The following CSMD3 variants were observed in gnomAD, a reference collection of about 807,000 sequenced individuals.
CSMD3 encodes CUB and sushi domain-containing protein 3.
In CSMD3, 177 loss-of-function variants were observed where a neutral mutation model predicts 435.2. The ratio of observed to expected loss-of-function variants is 0.41; its 90% CI spans 0.36 to 0.46. The LOEUF is 0.46. Among genes scored for constraint, CSMD3 ranks in the 20% least tolerant of loss-of-function variants. CSMD3 has a pLI of 0.34. For synonymous variants in CSMD3, 1,656 were observed against 1,520.5 expected, an observed-to-expected ratio of 1.09 and a Z score of -2.07; for missense variants, 4,265 against 4,504.6, an observed-to-expected ratio of 0.95 and a Z score of 1.52.
At chr8:113,096,449 C>T (rs1371127255) in intron 5 of CSMD3, among the ~76,000 whole-genome samples, 1 of 152,096 alleles carries the variant, frequency 6.6e-6, no homozygotes, top group East Asian at 1.9e-4. Context: ...ACCTCCACTG[C>T]TATTTTCTTA....
intron 13 of CSMD3, among the ~76,000 whole-genome samples, chr8:112,782,974 T>C (rs1464333316): frequency 4.6e-5 from 7 of 152,020 alleles, no homozygotes; most frequent in Admixed American, 3.9e-4. Context: ...GAAAAAAATG[T>C]TAATAAGTGA....
intron 11 of CSMD3, among the ~76,000 whole-genome samples, chr8:112,844,233 T>A (rs1288677147): frequency 3.3e-5 from 5 of 151,794 alleles, no homozygotes; most frequent in African/African-American, 1.2e-4. Flanking sequence ...AAATCATGAG[T>A]TTTTTCCTAA....
At chr8:112,612,333 C>T (rs1228938434) in intron 22 of CSMD3, among the ~76,000 whole-genome samples, 1 of 152,162 alleles carries the variant, frequency 6.6e-6, no homozygotes, top group Non-Finnish European at 1.5e-5. Flanking sequence ...GTCTTCACCA[C>T]AGTAGTTTCT....
chr8:112,988,811 C>G (rs2085345892), intron 6 of CSMD3, among the ~76,000 whole-genome samples: 1 of 152,056 alleles, frequency 6.6e-6, no homozygotes, highest in Admixed American at 6.6e-5. Flanking sequence ...CTATTCCCCA[C>G]TGTCCCTAAT....
chr8:113,305,839 G>C (rs947834402), intron 2 of CSMD3, among the ~76,000 whole-genome samples: 1 of 152,136 alleles, frequency 6.6e-6, no homozygotes, highest in African/African-American at 2.4e-5. Flanking sequence ...ATTTTAATTG[G>C]CTTTTTTTCT....
chr8:113,247,108 G>A (rs2093283878), intron 3 of CSMD3, among the ~76,000 whole-genome samples: 1 of 152,176 alleles, frequency 6.6e-6, no homozygotes, highest in Admixed American at 6.5e-5. Flanking sequence ...AGTTTCCTAT[G>A]TCTATCTCAT....
chr8:113,248,871 G>A (rs117206767), intron 3 of CSMD3, among the ~76,000 whole-genome samples: 1,621 of 151,694 alleles, frequency 0.011, 9 homozygotes, highest in Non-Finnish European at 0.016. Flanking sequence ...TTAATGTAAC[G>A]GCGATTGCTG....
chr8:112,534,957 A>G (rs1339697096), intron 27 of CSMD3, among the ~76,000 whole-genome samples: 1 of 152,184 alleles, frequency 6.6e-6, no homozygotes, highest in African/African-American at 2.4e-5. Context: ...AGATGCAGAA[A>G]AGGCCTTTGA....
intron 11 of CSMD3, among the ~76,000 whole-genome samples, chr8:112,846,183 G>C (rs1446768923): frequency 1.3e-5 from 2 of 151,388 alleles, no homozygotes; most frequent in East Asian, 3.9e-4. Flanking sequence ...TCTATCTAGA[G>C]ATAATTCTTT....
At chr8:112,855,110 G>T (rs1337654851) in intron 11 of CSMD3, among the ~76,000 whole-genome samples, 1 of 151,976 alleles carries the variant, frequency 6.6e-6, no homozygotes, top group African/African-American at 2.4e-5. Flanking sequence ...TAATATCTGT[G>T]GTTAAATAAA....
At chr8:112,703,447 C>A (rs905098927) in intron 13 of CSMD3, among the ~76,000 whole-genome samples, 6 of 152,104 alleles carry the variant, frequency 3.9e-5, no homozygotes, top group African/African-American at 9.7e-5. Context: ...AAGGCTTTTT[C>A]AACACTTTTT....
In CSMD3 at chr8:113,207,207, C is replaced by T. The variant is rs995810356; in HGVS notation, c.515-33291G>A. On this transcript the variant is annotated intron_variant, in intron 3 of 70. Coordinates refer to ENST00000297405, the MANE Select transcript of CSMD3 (RefSeq NM_198123.2). ...TTCATCTGGATGTAAGATTTTCCTC[C>T]TTGGAATGAACATGGTGGTGGCTAC... 3.9e-5 allele frequency among the ~76,000 whole-genome samples: 6 copies of T among 151,990 alleles called. No individual in the cohort carries two copies. The South Asian group carries it at 6.2e-4, about 16-fold the overall frequency.
chr8:112,277,876 A>G (rs562457035), intron 59 of CSMD3, among the ~76,000 whole-genome samples: 1 of 152,060 alleles, frequency 6.6e-6, no homozygotes, highest in Non-Finnish European at 1.5e-5. Flanking sequence ...AGTATGGGGG[A>G]AACTGCCCCA....
intron 13 of CSMD3, among the ~76,000 whole-genome samples, chr8:112,705,462 T>C (rs1026788153): frequency 6.6e-6 from 1 of 152,102 alleles, no homozygotes; most frequent in African/African-American, 2.4e-5. Context: ...AGCTTTCTGC[T>C]CTGGTCACTT....
At chr8:113,121,874 T>C (rs2090996350) in intron 4 of CSMD3, among the ~76,000 whole-genome samples, 1 of 152,118 alleles carries the variant, frequency 6.6e-6, no homozygotes, top group African/African-American at 2.4e-5. Flanking sequence ...TCTTATACCA[T>C]TTAATATTTA....
chr8:112,271,338 CA>C (rs1380648691), intron 59 of CSMD3, among the ~76,000 whole-genome samples: 2 of 152,080 alleles, frequency 1.3e-5, no homozygotes, highest in African/African-American at 4.8e-5. Flanking sequence ...TTGCAGAATT[CA>C]AATTGGTAAA....
intron 32 of CSMD3, among the ~76,000 whole-genome samples, chr8:112,428,386 T>C (rs932343517): frequency 6.6e-6 from 1 of 152,124 alleles, no homozygotes; most frequent in East Asian, 1.9e-4. Flanking sequence ...GGTAAAAACT[T>C]GGATATACCA....
chr8:112,481,211 AAGG>A (rs552319148), intron 31 of CSMD3, among the ~76,000 whole-genome samples: 17 of 152,222 alleles, frequency 1.1e-4, no homozygotes, highest in South Asian at 1.0e-3. Context: ...AGAAAAGAAG[AAGG>A]AGGAGGAGGA....
At chr8:113,135,312 C>T (rs1020491392) in intron 4 of CSMD3, among the ~76,000 whole-genome samples, 1 of 151,788 alleles carries the variant, frequency 6.6e-6, no homozygotes, top group African/African-American at 2.4e-5. Flanking sequence ...TTTAGATGCA[C>T]ACAATAAAAA....
Sources: allele counts gnomAD v4.1 joint callset (sites outside exome capture counted in the v4.1 genomes callset), GRCh38; gene constraint gnomAD v4.1.1; transcripts MANE v1.5; gene names NCBI Gene and HGNC (gene_info 2026-07-23, HGNC 2026-07-21).